The following TBXAS1 variants were observed in gnomAD, a reference collection of about 807,000 sequenced individuals.
TBXAS1 encodes thromboxane-A synthase.
A neutral mutation model predicts 60.7 loss-of-function variants in TBXAS1; 48 were observed. The ratio of observed to expected loss-of-function variants is 0.79; its 90% CI spans 0.63 to 1.01. TBXAS1 has a LOEUF of 1.01. TBXAS1 is among the 50% of genes least tolerant of loss of function. TBXAS1 has a pLI of 0.00. For synonymous variants in TBXAS1, 287 were observed against 269.7 expected (o/e 1.06, Z -0.63); for missense variants, 685 against 686.3 (o/e 1.00, Z 0.02).
chr7:139,899,815 C>G (rs1173887426), intron 3 of TBXAS1, among the ~76,000 whole-genome samples: 1 of 152,118 alleles, frequency 6.6e-6, no homozygotes, highest in East Asian at 1.9e-4. Flanking sequence ...GCACACCTAC[C>G]CAGCACTGGA....
At position 139,975,770 on chromosome 7, in the gene TBXAS1, C is replaced by T. The variant is rs138298207; in HGVS notation, c.1134+13537C>T. ...TCTCCCTCTTGCCATGTCCTTTTCA[C>T]GGTCCATCCTCTGAGTTTGTGAATT... On this transcript the variant is annotated intron_variant, in intron 9 of 12. Transcript: ENST00000448866. This position sits in a 1 kb window ranked among gnomAD's most constrained non-coding sequence, Gnocchi z 4.4. Among the ~76,000 whole-genome samples the T allele has an allele frequency of 4.6e-3, 707 of 152,320 alleles. 3 individuals carry two copies. Among genetic ancestry groups the T allele is most frequent in the Non-Finnish European group, 7.6e-3 (519 of 68,014 alleles).
At chr7:139,857,926 G>A in intron 1 of TBXAS1, among the ~76,000 whole-genome samples, 1 of 151,810 alleles carries the variant, frequency 6.6e-6, no homozygotes, top group East Asian at 1.9e-4. Flanking sequence ...TAGAGGTGGG[G>A]TCTTGCTATG....
chr7:140,010,601 C>G (rs750920336), intron 10 of TBXAS1, among the ~76,000 whole-genome samples: 17 of 152,314 alleles, frequency 1.1e-4, no homozygotes, highest in Non-Finnish European at 2.4e-4. Flanking sequence ...TTTGGAACTG[C>G]GGGTACAGAC....
chr7:139,987,475 G>A (rs1045378274), intron 9 of TBXAS1, among the ~76,000 whole-genome samples: 1 of 152,158 alleles, frequency 6.6e-6, no homozygotes, highest in Non-Finnish European at 1.5e-5. Flanking sequence ...GGGACTGGAC[G>A]TGGCCCTTTG....
intron 4 of TBXAS1, among the ~76,000 whole-genome samples, chr7:139,927,309 G>T (rs1806970971): frequency 6.6e-6 from 1 of 151,954 alleles, no homozygotes; most frequent in Non-Finnish European, 1.5e-5. Flanking sequence ...TCTATTGTAT[G>T]TTTTTAGATT....
Position 140,002,522 on chromosome 7 carries a change from C to T in TBXAS1, c.1135-4569C>T, listed in dbSNP as rs188407915. On this transcript the variant is annotated intron_variant, in intron 9 of 12. Coordinates refer to ENST00000448866, the MANE Select transcript of TBXAS1 (RefSeq NM_001061.7). Reference sequence around the variant, plus strand: ...GTTCTGTCCCTGCTATTCCTGAAAGCTGCAGACAAAGCCAGCAACTGCTGG... The same window carrying T: ...GTTCTGTCCCTGCTATTCCTGAAAGTTGCAGACAAAGCCAGCAACTGCTGG... 2.2e-3 allele frequency among the ~76,000 whole-genome samples: 335 copies of T among 151,758 alleles called. 5 individuals carry two copies. The South Asian group carries it at 0.029, about 13-fold the overall frequency.
chr7:139,981,248 C>T (rs766158478), intron 9 of TBXAS1, among the ~76,000 whole-genome samples: 13 of 152,178 alleles, frequency 8.5e-5, no homozygotes, highest in African/African-American at 1.7e-4. Context: ...GCTGGGATTA[C>T]AGGCTTGTAC....
intron 10 of TBXAS1, 118 bp from the exon 11 acceptor site, chr7:140,015,605 C>A: frequency 1.6e-6 from 2 of 1,230,994 alleles, no homozygotes; most frequent in South Asian, 1.2e-5. Context: ...CCTCATTCCA[C>A]ACACCATGCT....
At chr7:139,782,193 T>TA (rs1167656570) in intron 2 of TBXAS1, among the ~76,000 whole-genome samples, 1 of 144,548 alleles carries the variant, frequency 6.9e-6, no homozygotes, top group East Asian at 2.0e-4. Flanking sequence ...ATCAATCATT[T>TA]AAAAAAATCA....
At chr7:139,861,417 G>T (rs961517761) in intron 1 of TBXAS1, among the ~76,000 whole-genome samples, 3 of 130,410 alleles carry the variant, frequency 2.3e-5, no homozygotes, top group African/African-American at 8.9e-5. Context: ...TTTCTTTTTA[G>T]AATTTTTTTT....
Position 139,902,958 on chromosome 7 carries a change from A to G in TBXAS1, c.237-8267A>G, listed in dbSNP as rs183646168. 3.0e-4 allele frequency among the ~76,000 whole-genome samples: 46 copies of G among 152,058 alleles called. No individual in the cohort carries two copies. In the East Asian group the frequency reaches 5.8e-3, roughly 19 times the overall value. On this transcript the variant is annotated intron_variant, in intron 3 of 12. Transcript: ENST00000448866. ...TGCCCATTTTCTATTTTATTTTTCC[A>G]TAAGTTATTGGGGGTACAGGTAGTA...
At chr7:139,978,775 C>CAAA (rs35583867) in intron 9 of TBXAS1, among the ~76,000 whole-genome samples, 70 of 89,336 alleles carry the variant, frequency 7.8e-4, no homozygotes, top group Non-Finnish European at 1.0e-3. Flanking sequence ...CCTGCCTCTA[C>CAAA]AAAAAAAAAA....
intron 9 of TBXAS1, among the ~76,000 whole-genome samples, chr7:139,984,050 A>G (rs1470430518): frequency 6.6e-6 from 1 of 152,174 alleles, no homozygotes; most frequent in African/African-American, 2.4e-5. Flanking sequence ...CCTGTGATGA[A>G]GTAGGATGAA....
Position 139,799,266 on chromosome 7 carries a change from G to T in TBXAS1, c.-80+11840G>T, listed in dbSNP as rs1221021403. 2.0e-5 allele frequency among the ~76,000 whole-genome samples: 3 copies of T among 146,792 alleles called. No individual in the cohort carries two copies. The Admixed American group carries it at 2.1e-4, about 10-fold the overall frequency. ...TTTTTTTTTGAGACAGTCTCACTTT[G>T]TTGCCCAGGCTGGAGTGTAGTGGCA... On this transcript the variant is annotated intron_variant, in intron 4 of 16. Transcript: ENST00000336425.
At chr7:139,847,518 CAACT>C (rs1285783264) in intron 1 of TBXAS1, among the ~76,000 whole-genome samples, 1 of 152,080 alleles carries the variant, frequency 6.6e-6, no homozygotes, top group East Asian at 1.9e-4. Context: ...CTGAGCCAGC[CAACT>C]AACCAACCAA....
intron 1 of TBXAS1, among the ~76,000 whole-genome samples, chr7:139,869,497 C>T (rs1801666370): frequency 6.6e-6 from 1 of 152,136 alleles, no homozygotes; most frequent in Admixed American, 6.5e-5. Context: ...AAGAGATTCT[C>T]TTATCTTAGC....
At chr7:139,822,402 T>C (rs555164745) in intron 4 of TBXAS1, among the ~76,000 whole-genome samples, 113 of 152,236 alleles carry the variant, frequency 7.4e-4, no homozygotes, top group Middle Eastern at 3.4e-3. Context: ...ACTCTACCTG[T>C]TCTCTGTAGC....
At chr7:139,945,476 G>A (rs1311109739) in intron 5 of TBXAS1, among the ~76,000 whole-genome samples, 1 of 152,166 alleles carries the variant, frequency 6.6e-6, no homozygotes, top group Non-Finnish European at 1.5e-5. Context: ...ATCTGTTCAT[G>A]TTTCTTGGGT....
At chr7:139,851,697 A>AT (rs1176218901) in intron 1 of TBXAS1, among the ~76,000 whole-genome samples, 1 of 152,216 alleles carries the variant, frequency 6.6e-6, no homozygotes, top group East Asian at 1.9e-4. Flanking sequence ...TAGCTTACAG[A>AT]TTTTATGAGG....
Sources: allele counts gnomAD v4.1 joint callset (sites outside exome capture counted in the v4.1 genomes callset), GRCh38; gene constraint gnomAD v4.1.1; non-coding constraint Gnocchi (gnomAD v3.1); transcripts MANE v1.5; gene names NCBI Gene and HGNC (gene_info 2026-07-23, HGNC 2026-07-21).